Variants in PCDHGA2 observed in about 807,000 individuals in gnomAD.
The protein encoded by PCDHGA2 is protocadherin gamma subfamily A, 2.
A neutral mutation model predicts 59.2 loss-of-function variants in PCDHGA2; 40 were observed. That is an observed-to-expected ratio of 0.68 (90% CI 0.52 to 0.88). PCDHGA2 has a LOEUF of 0.88. Among genes scored for constraint, PCDHGA2 ranks in the 40% least tolerant of loss-of-function variants. PCDHGA2 has a pLI of 0.00. For synonymous variants in PCDHGA2, 560 were observed against 526.0 expected (o/e 1.06, Z -0.89); for missense variants, 1,226 against 1,204.0 (o/e 1.02, Z -0.27).
intron 2 of PCDHGA2, among the ~76,000 whole-genome samples, chr5:141,495,663 G>T (rs756466649): frequency 6.6e-6 from 1 of 152,050 alleles, no homozygotes; most frequent in African/African-American, 2.4e-5. Context: ...GATCTGTGCC[G>T]CCCACTGTGC....
intron 1 of PCDHGA2, chr5:141,356,869 GA>G: frequency 6.2e-7 from 1 of 1,614,182 alleles, no homozygotes; most frequent in Non-Finnish European, 8.5e-7. Context: ...GGACCAGAAC[GA>G]CAATGTCCCT....
intron 1 of PCDHGA2, among the ~76,000 whole-genome samples, chr5:141,444,241 G>A (rs1302797543): frequency 3.1e-5 from 4 of 130,308 alleles, no homozygotes; most frequent in Admixed American, 1.9e-4. Flanking sequence ...GCATGCTCTC[G>A]GCTCACTGCA....
chr5:141,392,628 A>T (rs2092566593), intron 1 of PCDHGA2: 1 of 588,334 alleles, frequency 1.7e-6, no homozygotes, highest in South Asian at 2.7e-5. Context: ...AAACACTCAG[A>T]TCTCACACCT....
chr5:141,393,988 T>C (rs765412193), intron 1 of PCDHGA2: 1 of 1,613,578 alleles, frequency 6.2e-7, no homozygotes, highest in Non-Finnish European at 8.5e-7. Context: ...AATTTACCTT[T>C]TAAATTAGAA....
chr5:141,474,019 A>G (rs923131322), intron 1 of PCDHGA2, among the ~76,000 whole-genome samples: 4 of 152,134 alleles, frequency 2.6e-5, no homozygotes, highest in Non-Finnish European at 4.4e-5. Flanking sequence ...ACAGTGAGCT[A>G]TGATTATTCC....
intron 1 of PCDHGA2, chr5:141,385,892 G>A (rs544548013): frequency 1.3e-5 from 2 of 152,934 alleles, no homozygotes; most frequent in South Asian, 2.1e-4. Context: ...AGAATGAAAT[G>A]TGTGTGTATC....
intron 1 of PCDHGA2, chr5:141,392,838 AGACGCGGC>A (rs1239948956): frequency 6.2e-7 from 1 of 1,608,522 alleles, no homozygotes; most frequent in South Asian, 1.1e-5. Context: ...GAGTCGCCCC[AGACGCGGC>A]GAGCTGATCC....
At chr5:141,364,805 G>A (rs1763547717) in intron 1 of PCDHGA2, 1 of 1,614,018 alleles carries the variant, frequency 6.2e-7, no homozygotes, top group Non-Finnish European at 8.5e-7. Flanking sequence ...CTTCGCGCGG[G>A]ATGCGGATGT....
chr5:141,374,896 A>T (rs1038384205), intron 1 of PCDHGA2: 1 of 1,613,804 alleles, frequency 6.2e-7, no homozygotes, highest in Non-Finnish European at 8.5e-7. Flanking sequence ...ACCAGGATGA[A>T]GGAGTCCACG....
chr5:141,374,825 C>G (rs11575953), intron 1 of PCDHGA2: 15 of 1,613,780 alleles, frequency 9.3e-6, no homozygotes, highest in Middle Eastern at 1.6e-4. Context: ...GCCTGTCTAC[C>G]GTGTAAGTGT....
Position 141,432,433 on chromosome 5 carries a change from T to C in PCDHGA2, c.2425-62374T>C, listed in dbSNP as rs760107558. 10 of 1,613,996 alleles carry C rather than the reference T, an allele frequency of 6.2e-6. No individual in the cohort carries two copies. The South Asian group carries it at 8.8e-5, about 14-fold the overall frequency. ...TGTTCGTGCTGGACCAGAACGACAA[T>C]GCGCCCGAGATCCTGTACCCCGCCC... On this transcript the variant is annotated intron_variant, in intron 1 of 3. Transcript: ENST00000394576. This position sits in a 1 kb window ranked among gnomAD's most constrained non-coding sequence, Gnocchi z 6.0.
At chr5:141,415,094 A>G in intron 1 of PCDHGA2, 1 of 1,613,530 alleles carries the variant, frequency 6.2e-7, no homozygotes, top group Non-Finnish European at 8.5e-7. Flanking sequence ...CTGGACAGAG[A>G]CGCGCTCAAG....
chr5:141,351,039 G>A lies in PCDHGA2; in HGVS notation c.2424+9644G>A, dbSNP rs369123623. The A allele has an allele frequency of 1.7e-5, 27 of 1,613,958 alleles. No individual in the cohort carries two copies. In the Middle Eastern group the frequency reaches 4.9e-4, roughly 29 times the overall value. On this transcript the variant is annotated intron_variant, in intron 1 of 3. Coordinates refer to ENST00000394576, the MANE Select transcript of PCDHGA2 (RefSeq NM_018915.4). The stretch of plus-strand genomic sequence containing the variant: ...GTACCGTGGGGAACCTCCGTGCTGC[G>A]GGTGATGGCCACAGACCAGGATGAG...
intron 1 of PCDHGA2, chr5:141,345,585 A>C (rs780781999): frequency 6.2e-6 from 10 of 1,614,190 alleles, no homozygotes; most frequent in Non-Finnish European, 6.8e-6. Flanking sequence ...ATACGCGCTG[A>C]GATCCTTCGA....
chr5:141,415,355 G>A (rs1200011688), intron 1 of PCDHGA2: 2 of 1,614,210 alleles, frequency 1.2e-6, no homozygotes, highest in Non-Finnish European at 1.7e-6. Context: ...CACAAGTCAC[G>A]CCTGCTGCAG....
rs367731612 is a variant in PCDHGA2, at chr5:141,419,406, C to T, written c.2425-75401C>T. The T allele has an allele frequency of 6.5e-5, 105 of 1,613,522 alleles. 1 individual carries two copies. The South Asian group carries it at 1.0e-3, about 16-fold the overall frequency. Reference sequence around the variant, plus strand: ...AGCGCGCAGAGCGGGGTGGTGTTCGCGCAGCGCGCCTTCGACCACGAGCAG... The same window carrying T: ...AGCGCGCAGAGCGGGGTGGTGTTCGTGCAGCGCGCCTTCGACCACGAGCAG... On this transcript the variant is annotated intron_variant, in intron 1 of 3. Transcript: ENST00000394576.
chr5:141,404,485 T>C (rs780359921), intron 1 of PCDHGA2: 2 of 1,613,490 alleles, frequency 1.2e-6, no homozygotes, highest in Admixed American at 1.7e-5. Context: ...ACTCAGACAC[T>C]GGTGTGCTGT....
At chr5:141,354,628 A>G (rs1014286107) in intron 1 of PCDHGA2, among the ~76,000 whole-genome samples, 4 of 152,218 alleles carry the variant, frequency 2.6e-5, no homozygotes, top group Non-Finnish European at 4.4e-5. Flanking sequence ...CTTTTCACTT[A>G]TCTGTCTCAT....
intron 1 of PCDHGA2, chr5:141,385,033 C>T (rs749144502): frequency 1.2e-6 from 2 of 1,614,182 alleles, no homozygotes; most frequent in East Asian, 2.2e-5. Context: ...CCTCGTACTG[C>T]TGGCGCTCAG....
Sources: gnomAD v4.1 joint callset for allele counts (sites outside exome capture counted in the v4.1 genomes callset) on GRCh38, gnomAD v4.1.1 for gene constraint, Gnocchi (gnomAD v3.1) non-coding constraint, MANE v1.5 for transcripts, NCBI Gene and HGNC (gene_info 2026-07-23, HGNC 2026-07-21) for gene names.